SLC25A26: variants seen among roughly 807,000 people sequenced by gnomAD.
SLC25A26 encodes solute carrier family 25 member 26.
In SLC25A26, 36 loss-of-function variants were observed where a neutral mutation model predicts 37.8. The ratio of observed to expected loss-of-function variants is 0.95; its 90% CI spans 0.73 to 1.26. SLC25A26 has a LOEUF of 1.26. Among genes scored for constraint, SLC25A26 ranks in the 50% most tolerant of loss-of-function variants. The pLI is 0.00. For missense variants in SLC25A26, 390 were observed against 331.1 expected (o/e 1.18, Z -1.38); for synonymous variants, 129 against 122.5 (o/e 1.05, Z -0.35).
chr3:66,153,038 G>C (rs2070228676), intron 1 of SLC25A26, among the ~76,000 whole-genome samples: 1 of 152,160 alleles, frequency 6.6e-6, no homozygotes, highest in Admixed American at 6.5e-5. Context: ...TGTAGTTAAG[G>C]CTAGGAGCCA....
chr3:66,346,715 CGTGT>C (rs34944870), intron 6 of SLC25A26, among the ~76,000 whole-genome samples: 7,555 of 138,774 alleles, frequency 0.054, 278 homozygotes, highest in African/African-American at 0.1. Context: ...TTGCTGTGTG[CGTGT>C]GTGTGTGTGT....
At chr3:66,163,456 G>A (rs1480677709) in intron 1 of SLC25A26, among the ~76,000 whole-genome samples, 1 of 151,962 alleles carries the variant, frequency 6.6e-6, no homozygotes, top group Non-Finnish European at 1.5e-5. Context: ...AAGGGCTAGG[G>A]GCTGTCTGGA....
chr3:66,210,428 T>C lies in SLC25A26; in HGVS notation c.-353-10314T>C, dbSNP rs906833838. 3.8e-3 allele frequency among the ~76,000 whole-genome samples: 574 copies of C among 152,174 alleles called. 8 individuals carry two copies. Among genetic ancestry groups the C allele is most frequent in the Admixed American group, 0.035 (539 of 15,266 alleles). Reference sequence around the variant, plus strand: ...GTCTCCCTTAGGAAACCACATTAAGTTGAACTGTCAGTGAAGGATAATGAG... The same window carrying C: ...GTCTCCCTTAGGAAACCACATTAAGCTGAACTGTCAGTGAAGGATAATGAG... On this transcript the variant is annotated intron_variant, in intron 1 of 10. Transcript: ENST00000676754.
chr3:66,172,325 T>G (rs1201119191), intron 1 of SLC25A26, among the ~76,000 whole-genome samples: 1 of 145,458 alleles, frequency 6.9e-6, no homozygotes, highest in Non-Finnish European at 1.5e-5. Context: ...GTGGAAGGAT[T>G]GCTTGGGCCC....
chr3:66,360,997 C>G (rs1367639298), intron 6 of SLC25A26, among the ~76,000 whole-genome samples: 1 of 152,122 alleles, frequency 6.6e-6, no homozygotes. Context: ...TTTCAAGATT[C>G]ATTATAAAGT....
chr3:66,346,373 T>C lies in SLC25A26; in HGVS notation c.463T>C (p.Ser155Pro), dbSNP rs966700957. Residue 155 changes from serine (S) to proline (P), a missense_variant, in exon 6 of 10, where the codon TCT (serine) becomes CCT (proline). By Grantham distance (74) the Ser-to-Pro change is moderately conservative. Coordinates refer to ENST00000354883, the MANE Select transcript of SLC25A26 (RefSeq NM_001379210.1). ...TTTTTTCTCTCTTCAGATTCCTTTT[T>C]CTTTGGTCCAGTTTCCCTTATGGGA... ...KSTVLREIPF[S>P]LVQFPLWESL... 11 of 1,495,642 alleles carry C rather than the reference T, an allele frequency of 7.4e-6. No individual in the cohort carries two copies. Among genetic ancestry groups the C allele is most frequent in the Admixed American group, 4.8e-5 (2 of 41,362 alleles). The allele number at this position is 1,495,642 out of a possible 1,614,324, so 92.6% of individuals were successfully genotyped here. A position where few individuals can be genotyped will look rare whatever the true frequency, so the allele number is the denominator to read the frequency against.
chr3:66,219,403 C>T (rs943440865), upstream of SLC25A26, among the ~76,000 whole-genome samples: 1 of 152,202 alleles, frequency 6.6e-6, no homozygotes, highest in East Asian at 1.9e-4. Flanking sequence ...TAATTAAGGT[C>T]TCTAATCAGT....
chr3:66,280,088 T>G (rs2074286518), intron 5 of SLC25A26, among the ~76,000 whole-genome samples: 1 of 152,214 alleles, frequency 6.6e-6, no homozygotes, highest in African/African-American at 2.4e-5. Context: ...TTTTCCAAGG[T>G]TTTCTCATCC....
intron 5 of SLC25A26, among the ~76,000 whole-genome samples, chr3:66,291,126 T>C (rs990528834): frequency 5.3e-5 from 8 of 152,220 alleles, no homozygotes; most frequent in African/African-American, 1.4e-4. Flanking sequence ...TATTCTCTGA[T>C]AGTAGTTTGT....
At position 66,344,106 on chromosome 3, in the gene SLC25A26, C is replaced by G. The variant is rs554565948; in HGVS notation, c.454-2258C>G. Among the ~76,000 whole-genome samples the G allele has an allele frequency of 2.6e-5, 4 of 152,280 alleles. No homozygotes were observed. In the East Asian group the frequency reaches 7.7e-4, roughly 29 times the overall value. ...CCTTCCTGAATGGTAGACAGATTTT[C>G]TTTCTGTGGTCACTGTCTGTCAAAC... On this transcript the variant is annotated intron_variant, in intron 5 of 9. Transcript: ENST00000354883.
At chr3:66,260,095 G>C (rs2073463522) in intron 3 of SLC25A26, among the ~76,000 whole-genome samples, 1 of 152,120 alleles carries the variant, frequency 6.6e-6, no homozygotes, top group African/African-American at 2.4e-5. Flanking sequence ...GGCTCATCCA[G>C]AAGGTTCTAT....
intron 1 of SLC25A26, among the ~76,000 whole-genome samples, chr3:66,144,739 A>T (rs1368329191): frequency 6.6e-6 from 1 of 152,208 alleles, no homozygotes; most frequent in East Asian, 1.9e-4. Context: ...ACCCCACCAG[A>T]TGTTAGACTG....
chr3:66,217,957 T>A (rs1302176270), upstream of SLC25A26, among the ~76,000 whole-genome samples: 5 of 152,186 alleles, frequency 3.3e-5, no homozygotes, highest in Non-Finnish European at 7.4e-5. Flanking sequence ...CAAGAGAATA[T>A]CTTCATCATT....
At chr3:66,312,016 TG>T (rs1427112041) in intron 5 of SLC25A26, among the ~76,000 whole-genome samples, 1 of 151,864 alleles carries the variant, frequency 6.6e-6, no homozygotes, top group African/African-American at 2.4e-5. Context: ...AGAGCTCAAG[TG>T]CTGTGCTGCG....
intron 6 of SLC25A26, among the ~76,000 whole-genome samples, chr3:66,362,160 C>T (rs1272861266): frequency 6.6e-6 from 1 of 152,104 alleles, no homozygotes; most frequent in Non-Finnish European, 1.5e-5. Flanking sequence ...ATATAACTCC[C>T]ATGTGATCTA....
chr3:66,298,632 C>G (rs2074979768), intron 5 of SLC25A26, among the ~76,000 whole-genome samples: 2 of 152,150 alleles, frequency 1.3e-5, no homozygotes, highest in Non-Finnish European at 2.9e-5. Context: ...ATTTCTTACC[C>G]ATTTTAAGTG....
chr3:66,199,790 C>G (rs932188282), intron 1 of SLC25A26, among the ~76,000 whole-genome samples: 2 of 152,020 alleles, frequency 1.3e-5, no homozygotes, highest in Non-Finnish European at 2.9e-5. Context: ...CATCATGACC[C>G]TGAGTTGAAT....
chr3:66,365,435 A>G (rs549519746), intron 7 of SLC25A26, among the ~76,000 whole-genome samples: 46 of 152,266 alleles, frequency 3.0e-4, no homozygotes, highest in African/African-American at 1.1e-3. Context: ...TCGGGGTGAA[A>G]CTAGGGGGAT....
chr3:66,244,514 C>T (rs1261345995), intron 3 of SLC25A26, among the ~76,000 whole-genome samples: 7 of 152,178 alleles, frequency 4.6e-5, no homozygotes, highest in Admixed American at 2.0e-4. Flanking sequence ...AGAAGATAGA[C>T]TTTTTCAAGC....
Sources: allele counts gnomAD v4.1 joint callset (sites outside exome capture counted in the v4.1 genomes callset), GRCh38; gene constraint gnomAD v4.1.1; transcripts MANE v1.5; gene names NCBI Gene and HGNC (gene_info 2026-07-23, HGNC 2026-07-21).